Variants in CCDC178 observed in about 807,000 individuals in gnomAD.
The protein encoded by CCDC178 is coiled-coil domain-containing protein 178.
In CCDC178, 126 loss-of-function variants were observed where a neutral mutation model predicts 117.4. That is an observed-to-expected ratio of 1.07 (90% CI 0.93 to 1.24). The LOEUF is 1.24. Ranked by LOEUF, CCDC178 falls within the 50% of genes most tolerant of loss-of-function variation. CCDC178 has a pLI of 0.00. For missense variants in CCDC178, 1,030 were observed against 986.9 expected (o/e 1.04, Z -0.59); for synonymous variants, 283 against 313.4 (o/e 0.90, Z 1.02).
chr18:33,055,142 T>C (rs955731006), intron 21 of CCDC178, among the ~76,000 whole-genome samples: 2 of 152,216 alleles, frequency 1.3e-5, no homozygotes, highest in Non-Finnish European at 2.9e-5. Flanking sequence ...TAAATTTGCT[T>C]AACTTCTTCA....
chr18:33,411,384 T>G (rs1430270211), intron 3 of CCDC178, among the ~76,000 whole-genome samples: 1 of 152,136 alleles, frequency 6.6e-6, no homozygotes, highest in African/African-American at 2.4e-5. Context: ...CACAACTCCT[T>G]ACAAATATAA....
intron 21 of CCDC178, among the ~76,000 whole-genome samples, chr18:33,048,004 C>T (rs1422522229): frequency 1.3e-5 from 2 of 152,168 alleles, no homozygotes; most frequent in African/African-American, 4.8e-5. Context: ...GTACCTCCGA[C>T]TTAGTTTAGA....
intron 21 of CCDC178, among the ~76,000 whole-genome samples, chr18:33,006,048 T>C (rs2055742549): frequency 6.6e-6 from 1 of 152,074 alleles, no homozygotes; most frequent in African/African-American, 2.4e-5. Flanking sequence ...AATTTACAAT[T>C]TATCAGTTAT....
At chr18:33,152,034 C>T (rs2058347212) in intron 20 of CCDC178, among the ~76,000 whole-genome samples, 1 of 152,096 alleles carries the variant, frequency 6.6e-6, no homozygotes, top group South Asian at 2.1e-4. Flanking sequence ...CAGCATTCAA[C>T]ACAATTATTG....
intron 14 of CCDC178, among the ~76,000 whole-genome samples, chr18:33,253,992 A>C (rs750296281): frequency 1.1e-4 from 17 of 151,910 alleles, no homozygotes; most frequent in Non-Finnish European, 1.6e-4. Context: ...ATTAATTAAA[A>C]TAGTATATAA....
At chr18:32,950,243 TCTC>T (rs572816371) in intron 22 of CCDC178, among the ~76,000 whole-genome samples, 48 of 152,236 alleles carry the variant, frequency 3.2e-4, no homozygotes, top group African/African-American at 1.1e-3. Flanking sequence ...GCTGCCTTAT[TCTC>T]CTTGAACCCT....
chr18:33,425,905 T>C (rs2064117161), intron 2 of CCDC178, among the ~76,000 whole-genome samples: 1 of 152,170 alleles, frequency 6.6e-6, no homozygotes, highest in Non-Finnish European at 1.5e-5. Context: ...CATGCAGAGA[T>C]GTTCCTGATA....
In CCDC178 at chr18:33,122,989, C is replaced by T. The variant is rs570232847; in HGVS notation, c.2239-30079G>A. Among the ~76,000 whole-genome samples the T allele has an allele frequency of 7.8e-4, 118 of 152,178 alleles. 1 individual carries two copies. Among genetic ancestry groups the T allele is most frequent in the African/African-American group, 2.7e-3 (114 of 41,552 alleles). ...ACTAAGAACACATGATAGAGTTCAACGAAGTCAGATGCTTGGTGACCCTGA... is the reference window on the plus strand; with the variant it reads ...ACTAAGAACACATGATAGAGTTCAATGAAGTCAGATGCTTGGTGACCCTGA... On this transcript the variant is annotated intron_variant, in intron 20 of 22. Coordinates refer to ENST00000383096, the MANE Select transcript of CCDC178 (RefSeq NM_001105528.4).
At chr18:33,270,541 A>T (rs2059875120) in intron 12 of CCDC178, among the ~76,000 whole-genome samples, 1 of 151,674 alleles carries the variant, frequency 6.6e-6, no homozygotes, top group African/African-American at 2.4e-5. Context: ...TATGATTAAC[A>T]GACAATTTTT....
intron 21 of CCDC178, among the ~76,000 whole-genome samples, chr18:33,057,919 T>C (rs1433763601): frequency 6.6e-6 from 1 of 152,198 alleles, no homozygotes; most frequent in Non-Finnish European, 1.5e-5. Flanking sequence ...CAATAGTCAT[T>C]AGGGAAATGT....
At chr18:33,308,181 A>G (rs1024669614) in intron 11 of CCDC178, among the ~76,000 whole-genome samples, 1 of 152,198 alleles carries the variant, frequency 6.6e-6, no homozygotes, top group African/African-American at 2.4e-5. Flanking sequence ...CTGGATGGAG[A>G]CTATAACCAG....
rs575106814 is a variant in CCDC178 at position 33,264,236 on chromosome 18, A to T, written c.1409+2680T>A. Among the ~76,000 whole-genome samples, 14 of 152,234 alleles carry T rather than the reference A, an allele frequency of 9.2e-5. 1 individual carries two copies. In the South Asian group the frequency reaches 2.9e-3, roughly 32 times the overall value. ...TTATATGTGCAAATAATCGAAATAGATAAAATTATTTGCATATATACATAA... is the reference window on the plus strand; with the variant it reads ...TTATATGTGCAAATAATCGAAATAGTTAAAATTATTTGCATATATACATAA... On this transcript the variant is annotated intron_variant, in intron 14 of 22. Transcript: ENST00000383096.
intron 6 of CCDC178, among the ~76,000 whole-genome samples, chr18:33,359,861 A>T (rs1568174411): frequency 6.6e-6 from 1 of 151,244 alleles, no homozygotes; most frequent in Non-Finnish European, 1.5e-5. Flanking sequence ...TTACAGCTCT[A>T]AGCCACATTG....
At chr18:33,350,619 G>A in intron 7 of CCDC178, among the ~76,000 whole-genome samples, 1 of 151,982 alleles carries the variant, frequency 6.6e-6, no homozygotes, top group East Asian at 1.9e-4. Context: ...TTCTTTTAAT[G>A]GTGGAATAAT....
chr18:33,414,276 T>C (rs1305945867), intron 2 of CCDC178, among the ~76,000 whole-genome samples: 1 of 152,172 alleles, frequency 6.6e-6, no homozygotes. Context: ...TGGTTTAATT[T>C]TAATGTAGCT....
At chr18:33,057,490 C>T (rs990441871) in intron 21 of CCDC178, among the ~76,000 whole-genome samples, 11 of 151,922 alleles carry the variant, frequency 7.2e-5, no homozygotes, top group African/African-American at 2.7e-4. Flanking sequence ...TTTAGAGAGA[C>T]GTAACTGAAT....
intron 22 of CCDC178, among the ~76,000 whole-genome samples, chr18:32,961,369 T>C (rs186994536): frequency 6.6e-6 from 1 of 152,258 alleles, no homozygotes; most frequent in Non-Finnish European, 1.5e-5. Flanking sequence ...TGATGATATT[T>C]CTAGTTGAGA....
chr18:33,280,557 A>G (rs9947000), intron 12 of CCDC178, among the ~76,000 whole-genome samples: 143,278 of 151,242 alleles, frequency 0.95, 67,920 homozygotes, highest in East Asian at 1. Context: ...ATTCCTCAGG[A>G]ATCTAGAATT....
rs746505005 is a variant in CCDC178 at position 33,091,324 on chromosome 18, CTTTTTTTTTTTT to C, written c.2388+1425_2388+1436del. Among the ~76,000 whole-genome samples the C allele has an allele frequency of 3.4e-4, 15 of 43,898 alleles. 1 individual carries two copies. The highest frequency in any genetic ancestry group is 8.2e-4 in the East Asian group (1 of 1,226). The allele number at this position is 43,898 out of a possible 152,430, so 28.8% of individuals were successfully genotyped here. On this transcript the variant is annotated intron_variant, in intron 21 of 22. Transcript: ENST00000383096. ...CTTTCCCAAACACACTTATTTCATT[CTTTTTTTTTTTT>C]TTTTTTTTTTTTTTTTTTGAGACGG...
Sources: gnomAD v4.1 joint callset for allele counts (sites outside exome capture counted in the v4.1 genomes callset) on GRCh38, gnomAD v4.1.1 for gene constraint, MANE v1.5 for transcripts, NCBI Gene and HGNC (gene_info 2026-07-23, HGNC 2026-07-21) for gene names.